Variants in GEMIN7 observed in about 807,000 individuals in gnomAD.
The protein encoded by GEMIN7 is gem nuclear organelle associated protein 7, also known as gem-associated protein 7.
Under a neutral mutation model 7.8 loss-of-function variants are expected in GEMIN7, and 7 were observed. The observed-to-expected ratio is 0.90, with a 90% CI of 0.51 to 1.69. GEMIN7 has a LOEUF of 1.69. Among genes scored for constraint, GEMIN7 ranks in the 40% most tolerant of loss-of-function variants. GEMIN7 has a pLI of 0.00. For missense variants in GEMIN7, 159 were observed against 176.2 expected (o/e 0.90, Z 0.55); for synonymous variants, 68 against 72.4 (o/e 0.94, Z 0.31).
At chr19:45,088,289 T>C (rs941031732) in intron 2 of GEMIN7, among the ~76,000 whole-genome samples, 5 of 152,086 alleles carry the variant, frequency 3.3e-5, no homozygotes, top group Admixed American at 1.3e-4. Flanking sequence ...TTTATGACTT[T>C]AATATTTTTG....
upstream of GEMIN7, chr19:45,076,468 G>A: frequency 3.1e-6 from 3 of 957,774 alleles, no homozygotes; most frequent in Middle Eastern, 3.7e-4. This position sits in a 1 kb window ranked among gnomAD's most constrained non-coding sequence, Gnocchi z 4.9. Flanking sequence ...TGCGCGCTCA[G>A]GTGAGTGACT....
chr19:45,087,354 G>A (rs1223670964), intron 2 of GEMIN7, among the ~76,000 whole-genome samples: 2 of 152,124 alleles, frequency 1.3e-5, no homozygotes, highest in Non-Finnish European at 2.9e-5. Context: ...ATGTTGGCCA[G>A]GCTGCTCTCG....
intron 2 of GEMIN7, among the ~76,000 whole-genome samples, chr19:45,082,066 T>C (rs1967522961): frequency 6.6e-6 from 1 of 152,188 alleles, no homozygotes. Context: ...ATCTCGTTTA[T>C]TGTCCATGCA....
chr19:45,083,908 G>C (rs954577255), intron 2 of GEMIN7, among the ~76,000 whole-genome samples: 3 of 151,720 alleles, frequency 2.0e-5, no homozygotes, highest in Non-Finnish European at 4.4e-5. Flanking sequence ...GCTGCTTCTT[G>C]CTTTCTGAAA....
intron 2 of GEMIN7, chr19:45,085,436 G>A (rs2122668780): frequency 6.6e-6 from 1 of 152,316 alleles, no homozygotes; most frequent in South Asian, 2.1e-4. Flanking sequence ...GATGCTACTG[G>A]CATCTATTAA....
chr19:45,079,485 T>C (rs1162329422), intron 1 of GEMIN7, 108 bp downstream of exon 1: 2 of 151,948 alleles, frequency 1.3e-5, no homozygotes, highest in African/African-American at 2.4e-5. Flanking sequence ...CCCACGCGGG[T>C]GGGGTGAGGA....
At chr19:45,076,198 G>A (rs756352535), upstream of GEMIN7, 3 of 1,507,244 alleles carry the variant, frequency 2.0e-6, no homozygotes, top group Non-Finnish European at 2.7e-6. This position sits in a 1 kb window ranked among gnomAD's most constrained non-coding sequence, Gnocchi z 4.9. Context: ...GAACCGCCCC[G>A]CCGAGGACAC....
In GEMIN7 at chr19:45,090,658, C is replaced by T; in HGVS notation, c.*148C>T. The T allele has an allele frequency of 1.5e-6, 1 of 680,108 alleles. No homozygotes were observed. Among genetic ancestry groups the T allele is most frequent in the Non-Finnish European group, 2.5e-6 (1 of 395,296 alleles). 42.1% of individuals were successfully genotyped at this position (680,108 alleles called of 1,614,324 possible). A position where few individuals can be genotyped will look rare whatever the true frequency, so the allele number is the denominator to read the frequency against. On this transcript the variant is annotated 3_prime_UTR_variant, in exon 3 of 3. Transcript: ENST00000270257. ...TTTAAGCAAGTCTGGACTCCTGAGA[C>T]CTCCTGGGTCTAGTCAGTAAAATTC...
intron 2 of GEMIN7, among the ~76,000 whole-genome samples, chr19:45,082,595 C>A (rs1047732879): frequency 6.6e-6 from 1 of 152,022 alleles, no homozygotes; most frequent in Non-Finnish European, 1.5e-5. Context: ...GATGTGCTAA[C>A]AATGCTAGAT....
At chr19:45,087,347 T>C (rs58260098) in intron 2 of GEMIN7, among the ~76,000 whole-genome samples, 2,047 of 152,290 alleles carry the variant, frequency 0.013, 54 homozygotes, top group African/African-American at 0.047. Flanking sequence ...TTTTACTATG[T>C]TGGCCAGGCT....
upstream of GEMIN7, chr19:45,076,435 A>T (rs1052252811): frequency 2.5e-5 from 29 of 1,169,220 alleles, no homozygotes; most frequent in African/African-American, 4.2e-4. The surrounding 1 kb of genome is among the most constrained non-coding windows in gnomAD (Gnocchi z 4.9). Context: ...CGGAGGACGC[A>T]CGAGCGGAGG....
At chr19:45,082,388 C>T (rs987903660) in intron 2 of GEMIN7, among the ~76,000 whole-genome samples, 2 of 152,208 alleles carry the variant, frequency 1.3e-5, no homozygotes, top group Non-Finnish European at 2.9e-5. Flanking sequence ...AAACTACCCT[C>T]TATCCCCCAG....
In GEMIN7 at chr19:45,091,440, G is replaced by A. The variant is rs1967888672; in HGVS notation, c.*930G>A. The A allele has an allele frequency of 6.0e-6, 1 of 167,134 alleles. No individual in the cohort carries two copies. Among genetic ancestry groups the A allele is most frequent in the South Asian group, 2.1e-4 (1 of 4,838 alleles). The allele number at this position is 167,134 out of a possible 1,614,324, so 10.4% of individuals were successfully genotyped here. On this transcript the variant is annotated 3_prime_UTR_variant, in exon 3 of 3. Coordinates refer to ENST00000270257, the MANE Select transcript of GEMIN7 (RefSeq NM_024707.3). The stretch of plus-strand genomic sequence containing the variant: ...ATTGTTTAAAAAGAAAGCAGTTTCT[G>A]TCCCTTTCTGTAGTTCCTTTAAGTT...
intron 2 of GEMIN7, among the ~76,000 whole-genome samples, chr19:45,082,366 T>C (rs1456878604): frequency 6.6e-6 from 1 of 152,206 alleles, no homozygotes; most frequent in African/African-American, 2.4e-5. Flanking sequence ...GGATCTTTCC[T>C]GGGCTCCCTT....
At position 45,090,295 on chromosome 19, in the gene GEMIN7, G is replaced by A. The variant is rs766519425; in HGVS notation, c.181G>A (p.Ala61Thr). ...LESQEQRARA[A>T]LRERYLRSLL... ...ATCCCAGGAGCAGCGGGCACGAGCC[G>A]CCCTTCGGGAGCGTTACCTCCGCAG... Residue 61 changes from alanine (A) to threonine (T), a missense_variant, in exon 3 of 3, where the codon GCC (alanine) becomes ACC (threonine). Ala to Thr is a moderately conservative substitution (Grantham distance 58). Coordinates refer to ENST00000270257, the MANE Select transcript of GEMIN7 (RefSeq NM_024707.3). 5 of 1,614,182 alleles carry A rather than the reference G, an allele frequency of 3.1e-6. No homozygotes were observed. The highest frequency in any genetic ancestry group is 2.2e-5 in the East Asian group (1 of 44,884).
chr19:45,087,581 A>G (rs2122679482), intron 2 of GEMIN7, among the ~76,000 whole-genome samples: 1 of 152,328 alleles, frequency 6.6e-6, no homozygotes, highest in South Asian at 2.1e-4. Context: ...CGAAAGTGCA[A>G]GAGCCCAAGA....
chr19:45,082,085 A>G (rs1005194035), intron 2 of GEMIN7, among the ~76,000 whole-genome samples: 3 of 152,122 alleles, frequency 2.0e-5, no homozygotes, highest in Non-Finnish European at 4.4e-5. Context: ...CAGCAGGCAG[A>G]GGATCCTGAG....
intron 2 of GEMIN7, among the ~76,000 whole-genome samples, chr19:45,087,481 T>C (rs1967733884): frequency 6.6e-6 from 1 of 150,732 alleles, no homozygotes; most frequent in African/African-American, 2.5e-5. Context: ...GCAGGCAGTT[T>C]CTGGGGGCTG....
chr19:45,080,106 G>C (rs1317053671), intron 2 of GEMIN7, 77 bp downstream of exon 2: 1 of 152,246 alleles, frequency 6.6e-6, no homozygotes, highest in Non-Finnish European at 1.5e-5. Flanking sequence ...TTCAAGTCGT[G>C]GGGGATGGGC....
Sources: gnomAD v4.1 joint callset for allele counts (sites outside exome capture counted in the v4.1 genomes callset) on GRCh38, gnomAD v4.1.1 for gene constraint, Gnocchi (gnomAD v3.1) non-coding constraint, MANE v1.5 for transcripts, NCBI Gene and HGNC (gene_info 2026-07-23, HGNC 2026-07-21) for gene names.